CPOX: variants seen among roughly 807,000 people sequenced by gnomAD.
CPOX encodes the protein oxygen-dependent coproporphyrinogen-III oxidase, mitochondrial.
Under a neutral mutation model 48.9 loss-of-function variants are expected in CPOX, and 24 were observed. That is an observed-to-expected ratio of 0.49 (90% CI 0.36 to 0.69). The LOEUF (loss-of-function observed/expected upper bound fraction) is 0.69, where lower values mean the gene tolerates loss of function less well. Among genes scored for constraint, CPOX ranks in the 30% least tolerant of loss-of-function variants. CPOX has a pLI of 0.00. For synonymous variants in CPOX, 249 were observed against 234.6 expected (o/e 1.06, Z -0.56); for missense variants, 549 against 597.3 (o/e 0.92, Z 0.84).
downstream of CPOX, among the ~76,000 whole-genome samples, chr3:98,576,231 G>A (rs1439951639): frequency 6.6e-6 from 1 of 152,176 alleles, no homozygotes; most frequent in Admixed American, 6.5e-5. Flanking sequence ...GGAGGCCTCA[G>A]GAAACTTACA....
At chr3:98,584,617 G>GA (rs1707323670) in intron 5 of CPOX, among the ~76,000 whole-genome samples, 1 of 152,176 alleles carries the variant, frequency 6.6e-6, no homozygotes, top group Admixed American at 6.5e-5. Flanking sequence ...ACGTCAATGA[G>GA]AAAATCCATT....
chr3:98,582,869 T>C lies in CPOX; in HGVS notation c.1173-1358A>G, dbSNP rs151042930. ...CCCTGCAAAAGTGTAAAGAATTTTATCTATGCTCCCTTTCTAACTCTCACC... is the reference window on the plus strand; with the variant it reads ...CCCTGCAAAAGTGTAAAGAATTTTACCTATGCTCCCTTTCTAACTCTCACC... On this transcript the variant is annotated intron_variant, in intron 5 of 6. Coordinates refer to ENST00000647941, the MANE Select transcript of CPOX (RefSeq NM_000097.7). Among the ~76,000 whole-genome samples the C allele has an allele frequency of 1.7e-3, 256 of 152,358 alleles. 1 individual carries two copies. The highest frequency in any genetic ancestry group is 5.9e-3 in the African/African-American group (247 of 41,590).
At chr3:98,577,091 A>C (rs1225996545), downstream of CPOX, among the ~76,000 whole-genome samples, 1 of 152,092 alleles carries the variant, frequency 6.6e-6, no homozygotes, top group Non-Finnish European at 1.5e-5. Context: ...CGGGCACATA[A>C]GACATTCCAA....
At chr3:98,572,898 GATTT>G in the CPOX span, among the ~76,000 whole-genome samples, 2 of 152,132 alleles carry the variant, frequency 1.3e-5, no homozygotes, top group Non-Finnish European at 2.9e-5. Context: ...ACAAGCTGCT[GATTT>G]TTTTACACCC....
At chr3:98,587,454 G>C (rs1707385447) in intron 4 of CPOX, among the ~76,000 whole-genome samples, 1 of 149,758 alleles carries the variant, frequency 6.7e-6, no homozygotes, top group Admixed American at 6.7e-5. Flanking sequence ...AAGCTGAGAA[G>C]TCCAAGGTTG....
the CPOX span, among the ~76,000 whole-genome samples, chr3:98,571,924 G>C: frequency 6.8e-4 from 103 of 152,152 alleles, no homozygotes; most frequent in Admixed American, 1.8e-3. Flanking sequence ...AGAGAATATT[G>C]TCAGTATAGT....
At chr3:98,585,833 G>C (rs939229395) in intron 4 of CPOX, 174 bp from the exon 5 acceptor site, 2 of 663,224 alleles carry the variant, frequency 3.0e-6, no homozygotes, top group African/African-American at 3.7e-5. Context: ...ATTTTTTGCA[G>C]ATATCACCAA....
rs767982847 is a variant in CPOX, at chr3:98,581,496, A to G, written c.1188T>C (p.Asn396=). ...QLRRGRYVEF[N]LLYDRGTKFG... ...ACTTTGTGCCCCGATCATACAGCAG[A>G]TTAAATTCTACATACCTGCCATAAA... is the stretch of plus-strand genomic sequence containing the variant. Residue 396 remains asparagine (N), a synonymous_variant, in exon 6 of 7, where the codon AAT becomes AAC. Transcript: ENST00000647941. The G allele has an allele frequency of 1.2e-6, 2 of 1,613,390 alleles. No homozygotes were observed. The highest frequency in any genetic ancestry group is 2.2e-5 in the South Asian group (2 of 91,080).
rs1329908585 is a variant in CPOX at position 98,593,106 on chromosome 3, CG to C, written c.398del (p.Pro133ArgfsTer3). The C allele has an allele frequency of 6.2e-7, 1 of 1,613,768 alleles. No individual in the cohort carries two copies. The highest frequency in any genetic ancestry group is 8.5e-7 in the Non-Finnish European group (1 of 1,179,974). Reference protein sequence around the residue: ...LAHRCSSFMAPPVTDLGELRR... With the variant: ...LAHRCSSFMAXPVTDLGELRR... The stretch of plus-strand genomic sequence containing the variant: ...GCAGCTCGCCCAGGTCGGTCACAGG[CG>C]GGGCCATGAAGCTGCTGCAGCGGTG... On this transcript the variant is annotated frameshift_variant, in exon 1 of 7. Transcript: ENST00000647941. LOFTEE classifies it high-confidence loss of function.
chr3:98,579,705 T>C lies in CPOX; in HGVS notation c.*978A>G. The C allele has an allele frequency of 1.0e-6, 1 of 985,394 alleles. No homozygotes were observed. Among genetic ancestry groups the C allele is most frequent in the East Asian group, 1.1e-4 (1 of 8,816 alleles). The allele number at this position is 985,394 out of a possible 1,614,324, so 61.0% of individuals were successfully genotyped here. ...CTCTTAAGAGCAAAGAGCTGCAGAA[T>C]CTCTAATATAAAAAAGAGGACATTT... is the stretch of plus-strand genomic sequence containing the variant. On this transcript the variant is annotated 3_prime_UTR_variant, in exon 7 of 7. Coordinates refer to ENST00000647941, the MANE Select transcript of CPOX (RefSeq NM_000097.7).
chr3:98,581,964 G>A (rs1191640669), intron 5 of CPOX, among the ~76,000 whole-genome samples: 1 of 152,150 alleles, frequency 6.6e-6, no homozygotes, highest in Non-Finnish European at 1.5e-5. Context: ...TAAAACTTCT[G>A]ACCTGAAAGG....
downstream of CPOX, chr3:98,579,361 C>T (rs994798130): frequency 1.5e-5 from 6 of 406,538 alleles, no homozygotes; most frequent in African/African-American, 2.2e-5. Flanking sequence ...GGGCCCCTAG[C>T]CCTAATGTTG....
chr3:98,590,991 T>TTG, intron 2 of CPOX, 21 bp downstream of exon 2: 1 of 1,613,776 alleles, frequency 6.2e-7, no homozygotes, highest in Non-Finnish European at 8.5e-7. Flanking sequence ...TATTAGAGAC[T>TTG]ATCAAGACTG....
At chr3:98,587,538 A>G (rs1707387025) in intron 4 of CPOX, among the ~76,000 whole-genome samples, 1 of 149,710 alleles carries the variant, frequency 6.7e-6, no homozygotes. Flanking sequence ...ACAACATCAC[A>G]TGGTGGGGGG....
chr3:98,572,213 T>C, the CPOX span, among the ~76,000 whole-genome samples: 6 of 152,200 alleles, frequency 3.9e-5, no homozygotes, highest in Non-Finnish European at 5.9e-5. Context: ...CTTGTGAATA[T>C]AGTTATGTAC....
At position 98,586,893 on chromosome 3, in the gene CPOX, G is replaced by A. The variant is rs191651683; in HGVS notation, c.954-1234C>T. Among the ~76,000 whole-genome samples, 1,236 of 152,118 alleles carry A rather than the reference G, an allele frequency of 8.1e-3. 21 individuals are homozygous for A. The highest frequency in any genetic ancestry group is 0.028 in the African/African-American group (1,160 of 41,476). On this transcript the variant is annotated intron_variant, in intron 4 of 6. Transcript: ENST00000647941. ...CGGAAGGCAGAGCTTGCAGTGAGCC[G>A]AGATCGCACCACTGCACTCCAGCCT...
downstream of CPOX, chr3:98,579,427 C>CA (rs1181188104): frequency 1.5e-6 from 1 of 683,252 alleles, no homozygotes; most frequent in African/African-American, 2.0e-5. Context: ...ATCCTGGCAA[C>CA]AAAAAATATA....
At chr3:98,585,296 G>A (rs763123797) in intron 5 of CPOX, 145 bp downstream of exon 5, 53 of 740,252 alleles carry the variant, frequency 7.2e-5, no homozygotes, top group Non-Finnish European at 1.0e-4. Context: ...TTTACACAAT[G>A]TCTTTTAATT....
In CPOX at chr3:98,580,591, G is replaced by A. The variant is rs914426796; in HGVS notation, c.*92C>T. 51 of 1,598,696 alleles carry A rather than the reference G, an allele frequency of 3.2e-5. No individual in the cohort carries two copies. In the African/African-American group the frequency reaches 5.9e-4, roughly 18 times the overall value. The stretch of plus-strand genomic sequence containing the variant: ...CAGAGTGGAGAAGACTAAGGCACGG[G>A]TAACTGCCACACAGTGGCAAAGTGC... On this transcript the variant is annotated 3_prime_UTR_variant, in exon 7 of 7. Coordinates refer to ENST00000647941, the MANE Select transcript of CPOX (RefSeq NM_000097.7).
Sources: allele counts gnomAD v4.1 joint callset (sites outside exome capture counted in the v4.1 genomes callset), GRCh38; gene constraint gnomAD v4.1.1; transcripts MANE v1.5; gene names NCBI Gene and HGNC (gene_info 2026-07-23, HGNC 2026-07-21).